GABRA5: variants seen among roughly 807,000 people sequenced by gnomAD.
GABRA5 encodes the protein gamma-aminobutyric acid type A receptor subunit alpha5.
A neutral mutation model predicts 47.3 loss-of-function variants in GABRA5; 18 were observed. The observed-to-expected ratio is 0.38, with a 90% confidence interval of 0.26 to 0.56. GABRA5 has a LOEUF of 0.56. Among genes scored for constraint, GABRA5 ranks in the 20% least tolerant of loss-of-function variants. The pLI is 0.71. For synonymous variants in GABRA5, 237 were observed against 229.3 expected, an observed-to-expected ratio of 1.03 and a Z score of -0.30; for missense variants, 365 against 599.3, an observed-to-expected ratio of 0.61 and a Z score of 4.08.
intron 7 of GABRA5, among the ~76,000 whole-genome samples, chr15:26,934,485 GTAAAT>G (rs1268412309): frequency 6.6e-6 from 1 of 152,136 alleles, no homozygotes; most frequent in Non-Finnish European, 1.5e-5. Flanking sequence ...GAATAAGAAA[GTAAAT>G]TAAAGTAGAA....
In GABRA5 at chr15:26,947,994, C is replaced by T. The variant is rs772370259; in HGVS notation, c.1150C>T (p.His384Tyr). 14 of 1,598,322 alleles carry T rather than the reference C, an allele frequency of 8.8e-6. No homozygotes were observed. The highest frequency in any genetic ancestry group is 1.2e-5 in the Non-Finnish European group (14 of 1,171,920). ...CGCTTTTACAACTGGGAAGATGTCT[C>T]ACCCCCCAAACATTCCGAAGGAACA... ...TNAFTTGKMS[H>Y]PPNIPKEQTP... Residue 384 changes from histidine (H) to tyrosine (Y), a missense_variant, in exon 11 of 11, where the codon CAC (histidine) becomes TAC (tyrosine). This residue lies in a region of GABRA5 where 106 missense variants were observed against 130.3 expected (regional missense o/e 0.81). Transcript: ENST00000335625.
At position 26,878,525 on chromosome 15, in the gene GABRA5, C is replaced by A. The variant is rs551371277; in HGVS notation, c.87-2321C>A. Among the ~76,000 whole-genome samples, 56 of 152,100 alleles carry A rather than the reference C, an allele frequency of 3.7e-4. No individual in the cohort carries two copies. In the South Asian group the frequency reaches 7.7e-3, roughly 21 times the overall value. On this transcript the variant is annotated intron_variant, in intron 3 of 10. Transcript: ENST00000335625. ...AACAAAACAAACAAACAAAAAAAAA[C>A]CCCTCTGCTCCTACCCCGATAGGCA...
intron 6 of GABRA5, among the ~76,000 whole-genome samples, chr15:26,892,248 T>G (rs1282553309): frequency 1.3e-5 from 2 of 152,246 alleles, no homozygotes; most frequent in African/African-American, 2.4e-5. Context: ...AAAACATTAA[T>G]AATCCAGGTC....
At chr15:26,937,152 G>A in intron 7 of GABRA5, 33 bp from the exon 8 acceptor site, 1 of 1,612,530 alleles carries the variant, frequency 6.2e-7, no homozygotes, top group Non-Finnish European at 8.5e-7. Context: ...ATGATTTCAT[G>A]TTTATGTCAC....
intron 6 of GABRA5, among the ~76,000 whole-genome samples, chr15:26,893,279 A>G (rs370740975): frequency 5.6e-5 from 8 of 141,862 alleles, no homozygotes; most frequent in South Asian, 2.5e-4. Flanking sequence ...GTGTGTGTGT[A>G]TGGCATATGG....
At chr15:26,913,646 T>TCAG (rs1893651650) in intron 6 of GABRA5, among the ~76,000 whole-genome samples, 1 of 152,176 alleles carries the variant, frequency 6.6e-6, no homozygotes, top group Non-Finnish European at 1.5e-5. Context: ...GTTTTGTATC[T>TCAG]TCATCTTTCA....
chr15:26,895,181 GC>G (rs1893151864), intron 6 of GABRA5, among the ~76,000 whole-genome samples: 3 of 149,716 alleles, frequency 2.0e-5, no homozygotes, highest in Non-Finnish European at 1.5e-5. Flanking sequence ...CCCACCTGCC[GC>G]CCCCTTCACC....
chr15:26,887,759 A>G (rs957847721), intron 6 of GABRA5, among the ~76,000 whole-genome samples: 3 of 152,146 alleles, frequency 2.0e-5, no homozygotes. Context: ...TTAAATATAT[A>G]TATTTTTAAA....
At chr15:26,946,662 C>A (rs1477998251) in intron 10 of GABRA5, among the ~76,000 whole-genome samples, 3 of 152,082 alleles carry the variant, frequency 2.0e-5, no homozygotes, top group Admixed American at 6.6e-5. Flanking sequence ...CAGTAGAGGA[C>A]ATCACCAGCC....
chr15:26,870,237 A>AGCC (rs1471667564), intron 3 of GABRA5, among the ~76,000 whole-genome samples: 1 of 152,236 alleles, frequency 6.6e-6, no homozygotes, highest in African/African-American at 2.4e-5. Flanking sequence ...GCCTGTAGAC[A>AGCC]GCCTTCCCAT....
At chr15:26,914,916 A>T (rs1477601357) in intron 7 of GABRA5, 31 bp downstream of exon 7, 2 of 1,563,160 alleles carry the variant, frequency 1.3e-6, no homozygotes, top group East Asian at 4.5e-5. Flanking sequence ...AGAGCCTTGG[A>T]CATATACTTT....
Position 26,924,747 on chromosome 15 carries a change from G to A in GABRA5, c.580+9862G>A, listed in dbSNP as rs981095200. Among the ~76,000 whole-genome samples the A allele has an allele frequency of 3.3e-5, 5 of 152,278 alleles. No homozygotes were observed. The East Asian group carries it at 9.7e-4, about 30-fold the overall frequency. ...ATGCTTGGTTGGAGTACAGTGGCCA[G>A]TGTCTAAAAGGTTTCTTGTCCTACT... On this transcript the variant is annotated intron_variant, in intron 7 of 10. Coordinates refer to ENST00000335625, the MANE Select transcript of GABRA5 (RefSeq NM_000810.4).
intron 6 of GABRA5, among the ~76,000 whole-genome samples, chr15:26,912,332 G>A (rs888039067): frequency 1.2e-4 from 18 of 152,180 alleles, no homozygotes; most frequent in African/African-American, 4.1e-4. Context: ...CATCTGACCC[G>A]TTGAGATTCT....
intron 7 of GABRA5, among the ~76,000 whole-genome samples, chr15:26,926,332 C>A (rs112460586): frequency 6.6e-6 from 1 of 152,106 alleles, no homozygotes; most frequent in South Asian, 2.1e-4. Flanking sequence ...TCAAGAATTT[C>A]ATTTTATATT....
chr15:26,879,697 G>A (rs1355118107), intron 3 of GABRA5, among the ~76,000 whole-genome samples: 1 of 152,120 alleles, frequency 6.6e-6, no homozygotes, highest in Non-Finnish European at 1.5e-5. Context: ...GAACAGGGTG[G>A]AGCAGGCCTG....
Position 26,883,272 on chromosome 15 carries a change from C to G in GABRA5, c.276+39C>G. The G allele has an allele frequency of 6.2e-7, 1 of 1,611,688 alleles. No individual in the cohort carries two copies. Among genetic ancestry groups the G allele is most frequent in the Non-Finnish European group, 8.5e-7 (1 of 1,177,870 alleles). On this transcript the variant is annotated intron_variant, in intron 5 of 10. Transcript: ENST00000335625. The surrounding 1 kb of genome is among the most constrained non-coding windows in gnomAD (Gnocchi z 4.8). Reference sequence around the variant, plus strand: ...CATGGCTGGGCAGACAATTCTTACTCCGCGCCGCAGGCCCCCGCCCAGGCC... The same window carrying G: ...CATGGCTGGGCAGACAATTCTTACTGCGCGCCGCAGGCCCCCGCCCAGGCC...
intron 7 of GABRA5, among the ~76,000 whole-genome samples, chr15:26,935,679 ATGTCCTCAGTCTGCCTCCCTCCAGGCCTT>A (rs879629797): frequency 1.6e-4 from 24 of 152,292 alleles, no homozygotes; most frequent in Middle Eastern, 3.4e-3. Context: ...ATCGCGTCTC[ATGTCCTCAGTCTGCCTCCCTCCAGGCCTT>A]TGCAGGAGGC....
In GABRA5 at chr15:26,885,168, G is replaced by A. The variant is rs139704630; in HGVS notation, c.497+1611G>A. The stretch of plus-strand genomic sequence containing the variant: ...CAAAAAATTAGCCGGGCGTGGTGGC[G>A]GATGCCTGCAGTCCCAGCTACTTGG... On this transcript the variant is annotated intron_variant, in intron 6 of 10. Transcript: ENST00000335625. 9.8e-3 allele frequency among the ~76,000 whole-genome samples: 1,496 copies of A among 152,140 alleles called. 31 individuals are homozygous for A. The highest frequency in any genetic ancestry group is 0.034 in the African/African-American group (1,423 of 41,492).
At chr15:26,904,971 C>G (rs769046165) in intron 6 of GABRA5, among the ~76,000 whole-genome samples, 1 of 152,116 alleles carries the variant, frequency 6.6e-6, no homozygotes, top group Non-Finnish European at 1.5e-5. Flanking sequence ...CCTGATTGCT[C>G]TAGCCAGGAC....
Sources: gnomAD v4.1 joint callset for allele counts (sites outside exome capture counted in the v4.1 genomes callset) on GRCh38, gnomAD v4.1.1 for gene constraint, gnomAD v4.1.1 regional missense constraint, Gnocchi (gnomAD v3.1) non-coding constraint, MANE v1.5 for transcripts, NCBI Gene and HGNC (gene_info 2026-07-23, HGNC 2026-07-21) for gene names.